The following HNF4G variants were observed in gnomAD, a reference collection of about 807,000 sequenced individuals.
HNF4G encodes the protein hepatocyte nuclear factor 4 gamma.
Under a neutral mutation model 50.9 loss-of-function variants are expected in HNF4G, and 21 were observed. That is an observed-to-expected ratio of 0.41 (90% CI 0.29 to 0.59). The LOEUF is 0.59. Ranked by LOEUF, HNF4G falls within the 20% of genes least tolerant of loss-of-function variation. The pLI is 0.26. For synonymous variants in HNF4G, 198 were observed against 185.6 expected (o/e 1.07, Z -0.54); for missense variants, 527 against 559.4 (o/e 0.94, Z 0.58).
intron 3 of HNF4G, among the ~76,000 whole-genome samples, chr8:75,550,879 A>T (rs750272679): frequency 1.3e-5 from 2 of 152,112 alleles, no homozygotes; most frequent in Non-Finnish European, 2.9e-5. Context: ...TGTCCCATGG[A>T]CAGTGTTTTA....
intron 1 of HNF4G, among the ~76,000 whole-genome samples, chr8:75,411,442 A>G (rs984174988): frequency 6.6e-6 from 1 of 152,180 alleles, no homozygotes; most frequent in Non-Finnish European, 1.5e-5. Context: ...AATACTATTT[A>G]CCTACTCATT....
chr8:75,528,900 G>T (rs1806250176), intron 2 of HNF4G, among the ~76,000 whole-genome samples: 1 of 152,118 alleles, frequency 6.6e-6, no homozygotes, highest in South Asian at 2.1e-4. Context: ...TGGCTGGGGA[G>T]GCCTCAGGAA....
chr8:75,545,041 A>G (rs994993877), intron 2 of HNF4G, among the ~76,000 whole-genome samples: 1 of 152,058 alleles, frequency 6.6e-6, no homozygotes, highest in South Asian at 2.1e-4. Flanking sequence ...CACTTTAAAA[A>G]CTTTCTAGGT....
chr8:75,418,645 G>A (rs192485864), intron 1 of HNF4G, among the ~76,000 whole-genome samples: 1 of 151,692 alleles, frequency 6.6e-6, no homozygotes, highest in African/African-American at 2.4e-5. Context: ...GTGGCTTGAG[G>A]ATGATATCCG....
intron 1 of HNF4G, among the ~76,000 whole-genome samples, chr8:75,476,306 T>G (rs146870050): frequency 2.2e-4 from 34 of 152,326 alleles, no homozygotes; most frequent in African/African-American, 7.2e-4. Context: ...CCATGGCATA[T>G]ATATACCACA....
chr8:75,545,680 C>T (rs901177814), intron 2 of HNF4G, among the ~76,000 whole-genome samples: 2 of 152,000 alleles, frequency 1.3e-5, no homozygotes, highest in Admixed American at 1.3e-4. Flanking sequence ...CCTTCAAAAG[C>T]ACTTTTAATT....
At chr8:75,408,364 G>T (rs550279392) in intron 1 of HNF4G, among the ~76,000 whole-genome samples, 1 of 152,236 alleles carries the variant, frequency 6.6e-6, no homozygotes, top group African/African-American at 2.4e-5. Context: ...TTCCGTGTAA[G>T]TACTTCTGTG....
At chr8:75,526,504 GTCTCCT>G (rs745342057) in intron 2 of HNF4G, among the ~76,000 whole-genome samples, 7 of 151,860 alleles carry the variant, frequency 4.6e-5, no homozygotes, top group African/African-American at 4.8e-5. Context: ...CTGAAAGTAA[GTCTCCT>G]TCTCCTTCTC....
intron 1 of HNF4G, among the ~76,000 whole-genome samples, chr8:75,466,570 CTCCTTCCTTCCTTCCTTCCTTCCTTCCT>C (rs542246055): frequency 6.9e-4 from 45 of 64,918 alleles, no homozygotes; most frequent in African/African-American, 2.2e-3. Context: ...TCTTTTCTCG[CTCCTTCCTTCCTTCCTTCCTTCCTTCCT>C]TCCTTCCTTC....
intron 1 of HNF4G, among the ~76,000 whole-genome samples, chr8:75,443,800 A>T (rs557535054): frequency 4.9e-4 from 74 of 152,256 alleles, no homozygotes; most frequent in Non-Finnish European, 9.6e-4. Context: ...AATTCATTTT[A>T]TGTTTATCAT....
In HNF4G at chr8:75,551,418, C is replaced by A. The variant is rs373120695; in HGVS notation, c.413C>A (p.Thr138Asn). 4.9e-5 allele frequency: 79 copies of A among 1,612,654 alleles called. No homozygotes were observed. The East Asian group carries it at 8.7e-4, about 18-fold the overall frequency. ...AVQNERDRIS[T>N]RRSTFDGSNI... is the part of the protein sequence containing the mutation. ...CAAAATGAACGTGACAGAATAAGCA[C>A]CAGAAGAAGCACATTTGATGGCAGC... The change falls in exon 4 of 10, where the codon ACC becomes AAC. Residue 138 changes from threonine (T) to asparagine (N), a missense_variant. This residue lies in a region of HNF4G where 128 missense variants were observed against 135.3 expected (regional missense o/e 0.95). Transcript: ENST00000396423.
intron 1 of HNF4G, among the ~76,000 whole-genome samples, chr8:75,468,535 A>G (rs1055176230): frequency 6.6e-6 from 1 of 152,110 alleles, no homozygotes; most frequent in Admixed American, 6.6e-5. Context: ...CTCTACTGAA[A>G]ATATAAAAAT....
At chr8:75,543,476 A>G (rs1329692088) in intron 1 of HNF4G, among the ~76,000 whole-genome samples, 1 of 152,196 alleles carries the variant, frequency 6.6e-6, no homozygotes, top group African/African-American at 2.4e-5. Context: ...TGGGCATTTC[A>G]TGTTGATGCC....
chr8:75,498,592 T>A (rs1402642766), intron 2 of HNF4G, among the ~76,000 whole-genome samples: 2 of 151,542 alleles, frequency 1.3e-5, no homozygotes, highest in African/African-American at 4.8e-5. Context: ...GATGAAGATA[T>A]CAAAAGAAAA....
chr8:75,423,717 C>T (rs1217877715), intron 1 of HNF4G, among the ~76,000 whole-genome samples: 1 of 149,498 alleles, frequency 6.7e-6, no homozygotes, highest in African/African-American at 2.5e-5. Flanking sequence ...ATTATAAAAG[C>T]AGAAACAGAA....
intron 1 of HNF4G, among the ~76,000 whole-genome samples, chr8:75,444,957 C>T (rs1045653845): frequency 5.5e-5 from 8 of 146,122 alleles, no homozygotes; most frequent in African/African-American, 2.1e-4. Context: ...ACTCTGCACC[C>T]CAAATCAACA....
intron 2 of HNF4G, among the ~76,000 whole-genome samples, chr8:75,503,717 A>G (rs998768616): frequency 1.3e-5 from 2 of 152,200 alleles, no homozygotes; most frequent in Admixed American, 6.5e-5. Flanking sequence ...TGGAGTCCTT[A>G]TAGTACTTAT....
chr8:75,472,472 A>C (rs1341662836), intron 1 of HNF4G, among the ~76,000 whole-genome samples: 3 of 152,138 alleles, frequency 2.0e-5, no homozygotes, highest in African/African-American at 4.8e-5. Flanking sequence ...AATTTGAGGG[A>C]AGTTGAGATA....
rs61198716 is a variant in HNF4G, at chr8:75,425,355, A to T, written c.-144+17193A>T. Among the ~76,000 whole-genome samples, 1,397 of 151,626 alleles carry T rather than the reference A, an allele frequency of 9.2e-3. 26 individuals carry two copies. Among genetic ancestry groups the T allele is most frequent in the African/African-American group, 0.031 (1,280 of 41,374 alleles). ...CGCCTTGGCTTCCCTAAGTGCTAAG[A>T]TTACAGGTGTGAGCCACCGCGCCCA... On this transcript the variant is annotated intron_variant, in intron 1 of 10. Coordinates refer to the HNF4G transcript ENST00000354370.
Sources: allele counts gnomAD v4.1 joint callset (sites outside exome capture counted in the v4.1 genomes callset), GRCh38; gene constraint gnomAD v4.1.1; regional missense constraint gnomAD v4.1.1; transcripts MANE v1.5; gene names NCBI Gene and HGNC (gene_info 2026-07-23, HGNC 2026-07-21).